Variants in LIPC observed in about 807,000 individuals in gnomAD.
The protein encoded by LIPC is lipase C, hepatic type.
In LIPC, 44 loss-of-function variants were observed where a neutral mutation model predicts 50.7. The ratio of observed to expected loss-of-function variants is 0.87; its 90% CI spans 0.68 to 1.11. LIPC has a LOEUF of 1.11. Among genes scored for constraint, LIPC ranks in the 50% most tolerant of loss-of-function variants. The probability of loss-of-function intolerance (pLI) is 0.00; values close to 1 mark genes in which losing one functional copy is unlikely to be tolerated. For synonymous variants in LIPC, 271 were observed against 256.4 expected (o/e 1.06, Z -0.54); for missense variants, 697 against 648.2 (o/e 1.08, Z -0.82).
intron 6 of LIPC, among the ~76,000 whole-genome samples, chr15:58,558,688 C>G (rs2414596): frequency 0.94 from 143,192 of 151,994 alleles, 67,742 homozygotes; most frequent in South Asian, 0.99. Context: ...CTGAAGCTAT[C>G]CCCCCTGCCC....
rs140083043 is a variant in LIPC at position 58,555,500 on chromosome 15, T to C, written c.1052-5364T>C. Among the ~76,000 whole-genome samples the C allele has an allele frequency of 8.9e-3, 1,359 of 152,306 alleles. 26 individuals are homozygous for C. The highest frequency in any genetic ancestry group is 0.031 in the African/African-American group (1,304 of 41,558). ...AGCAGGCGATATAGAAAGAGTCTTT[T>C]GGAATTAGACACACCTGGCTTTGAA... On this transcript the variant is annotated intron_variant, in intron 6 of 8. Coordinates refer to ENST00000299022, the MANE Select transcript of LIPC (RefSeq NM_000236.3).
chr15:58,473,601 T>TG (rs1566920553), intron 1 of LIPC: 2 of 152,272 alleles, frequency 1.3e-5, no homozygotes, highest in Non-Finnish European at 2.9e-5. Flanking sequence ...TGGCATCGGC[T>TG]GGTTCAGCTA....
intron 1 of LIPC, chr15:58,436,712 G>C (rs1357529949): frequency 4.4e-6 from 2 of 456,258 alleles, no homozygotes; most frequent in East Asian, 1.4e-4. Context: ...TGAGGACCAT[G>C]AGAGAGGAAT....
chr15:58,446,371 T>C (rs930600661), intron 1 of LIPC, among the ~76,000 whole-genome samples: 3 of 152,188 alleles, frequency 2.0e-5, no homozygotes, highest in Non-Finnish European at 4.4e-5. Context: ...TTCTCCTACA[T>C]AGCCCCAGTA....
At position 58,510,926 on chromosome 15, in the gene LIPC, T is replaced by C. The variant is rs866279480; in HGVS notation, c.89-27407T>C. Among the ~76,000 whole-genome samples the C allele has an allele frequency of 5.3e-5, 8 of 152,356 alleles. No homozygotes were observed. In the South Asian group the frequency reaches 1.7e-3, roughly 32 times the overall value. ...GTTGGTGAGGATAACAGCACTTCCT[T>C]CCAGAAATACTTTAGTATACAAAGT... On this transcript the variant is annotated intron_variant, in intron 1 of 8. Coordinates refer to ENST00000299022, the MANE Select transcript of LIPC (RefSeq NM_000236.3).
intron 1 of LIPC, among the ~76,000 whole-genome samples, chr15:58,479,263 C>T (rs1356064691): frequency 6.6e-6 from 1 of 152,234 alleles, no homozygotes; most frequent in African/African-American, 2.4e-5. Flanking sequence ...TGCAATAGCA[C>T]TGTAGTGACA....
At chr15:58,476,213 G>A (rs1890993119) in intron 1 of LIPC, among the ~76,000 whole-genome samples, 1 of 152,236 alleles carries the variant, frequency 6.6e-6, no homozygotes, top group African/African-American at 2.4e-5. Flanking sequence ...ATCTGCTCTG[G>A]CACCCAGGTT....
intron 1 of LIPC, among the ~76,000 whole-genome samples, chr15:58,518,022 G>C (rs1012633807): frequency 1.3e-5 from 2 of 152,218 alleles, no homozygotes; most frequent in East Asian, 3.8e-4. Flanking sequence ...TATCAGAAAA[G>C]GGAACAGCCA....
At chr15:58,455,265 G>C (rs904318758) in intron 1 of LIPC, among the ~76,000 whole-genome samples, 1 of 152,190 alleles carries the variant, frequency 6.6e-6, no homozygotes, top group Non-Finnish European at 1.5e-5. Context: ...GGCCATAGGT[G>C]TCTGTTAAAA....
intron 1 of LIPC, among the ~76,000 whole-genome samples, chr15:58,453,828 T>C (rs1355900667): frequency 2.1e-5 from 3 of 145,100 alleles, no homozygotes; most frequent in African/African-American, 5.1e-5. Context: ...AGAGCGAGGC[T>C]GCAGTGAGCC....
chr15:58,536,037 G>A lies in LIPC; in HGVS notation c.89-2296G>A, dbSNP rs866564710. Among the ~76,000 whole-genome samples the A allele has an allele frequency of 1.2e-4, 19 of 152,266 alleles. No homozygotes were observed. In the South Asian group the frequency reaches 2.7e-3, roughly 22 times the overall value. On this transcript the variant is annotated intron_variant, in intron 1 of 8. Coordinates refer to ENST00000299022, the MANE Select transcript of LIPC (RefSeq NM_000236.3). ...GCCCAGGGCTACCCTCCATGAGTTCGCTGACAGGTGGAGGAAGCACACACC... is the reference window on the plus strand; with the variant it reads ...GCCCAGGGCTACCCTCCATGAGTTCACTGACAGGTGGAGGAAGCACACACC...
chr15:58,552,558 C>T (rs1405706792), intron 6 of LIPC, among the ~76,000 whole-genome samples: 2 of 152,192 alleles, frequency 1.3e-5, no homozygotes, highest in African/African-American at 4.8e-5. Flanking sequence ...CACCCACGGC[C>T]CTGCACTCCA....
intron 1 of LIPC, among the ~76,000 whole-genome samples, chr15:58,492,196 G>T (rs1486095547): frequency 6.6e-6 from 1 of 152,146 alleles, no homozygotes; most frequent in Non-Finnish European, 1.5e-5. Context: ...GTTCCTAGCA[G>T]ATCCTCAACT....
intron 1 of LIPC, among the ~76,000 whole-genome samples, chr15:58,511,604 G>C (rs1892332438): frequency 6.6e-6 from 1 of 152,202 alleles, no homozygotes; most frequent in Non-Finnish European, 1.5e-5. Context: ...GTTTGCATGA[G>C]CAAAGCTAAA....
chr15:58,492,393 C>A (rs1422137895), intron 1 of LIPC, among the ~76,000 whole-genome samples: 1 of 152,116 alleles, frequency 6.6e-6, no homozygotes, highest in Non-Finnish European at 1.5e-5. Flanking sequence ...ATAATATAAA[C>A]ACATTATAAA....
chr15:58,510,993 G>A (rs1225243784), intron 1 of LIPC, among the ~76,000 whole-genome samples: 1 of 152,142 alleles, frequency 6.6e-6, no homozygotes, highest in Non-Finnish European at 1.5e-5. Flanking sequence ...CTCAACAACC[G>A]CACCTGGAAG....
Position 58,432,098 on chromosome 15 carries a change from C to A in LIPC, c.66C>A (p.Ala22=), listed in dbSNP as rs760554069. 17 of 1,613,630 alleles carry A rather than the reference C, an allele frequency of 1.1e-5. No individual in the cohort carries two copies. Among genetic ancestry groups the A allele is most frequent in the Non-Finnish European group, 1.2e-5 (14 of 1,179,634 alleles). The stretch of plus-strand genomic sequence containing the variant: ...TATGCATCTTTATCCAATCAAGTGC[C>A]CTTGGACAAAGCCTGAAACCAGGTA... ...LVLCIFIQSS[A]LGQSLKPEPF... The change falls in exon 1 of 9, where the codon GCC becomes GCA. Residue 22 remains alanine, a synonymous_variant. Coordinates refer to ENST00000299022, the MANE Select transcript of LIPC (RefSeq NM_000236.3).
At chr15:58,506,057 G>T (rs1016739959) in intron 1 of LIPC, among the ~76,000 whole-genome samples, 2 of 151,968 alleles carry the variant, frequency 1.3e-5, no homozygotes, top group East Asian at 3.9e-4. Flanking sequence ...GATGGCAGCC[G>T]CCCCTCCCCA....
At chr15:58,562,734 G>T (rs1894206701) in intron 7 of LIPC, among the ~76,000 whole-genome samples, 2 of 152,048 alleles carry the variant, frequency 1.3e-5, no homozygotes, top group South Asian at 4.1e-4. Context: ...TCACAACCTG[G>T]CAGGGCGGGG....
Sources: gnomAD v4.1 joint callset for allele counts (sites outside exome capture counted in the v4.1 genomes callset) on GRCh38, gnomAD v4.1.1 for gene constraint, MANE v1.5 for transcripts, NCBI Gene and HGNC (gene_info 2026-07-23, HGNC 2026-07-21) for gene names.